SBK1: variants seen among roughly 807,000 people sequenced by gnomAD.
The protein encoded by SBK1 is serine/threonine-protein kinase SBK1.
Under a neutral mutation model 24.4 loss-of-function variants are expected in SBK1, and 11 were observed. The observed-to-expected ratio is 0.45, with a 90% CI of 0.28 to 0.75. The LOEUF (loss-of-function observed/expected upper bound fraction) is 0.75. Among genes scored for constraint, SBK1 ranks in the 30% least tolerant of loss-of-function variants. The pLI is 0.12. For synonymous variants in SBK1, 308 were observed against 284.4 expected (o/e 1.08, Z -0.83); for missense variants, 467 against 620.5 (o/e 0.75, Z 2.63).
chr16:28,273,131 G>A (rs547454023), intron 1 of SBK1, among the ~76,000 whole-genome samples: 6 of 150,102 alleles, frequency 4.0e-5, no homozygotes, highest in Non-Finnish European at 7.4e-5. Flanking sequence ...GGCTGGTCTC[G>A]AACTCATGGC....
intron 1 of SBK1, among the ~76,000 whole-genome samples, chr16:28,268,146 C>T (rs74330629): frequency 0.015 from 2,315 of 152,106 alleles, 32 homozygotes; most frequent in Non-Finnish European, 0.026. Context: ...TCCTGGAGGT[C>T]CCTCTCCCTG....
intron 1 of SBK1, among the ~76,000 whole-genome samples, chr16:28,299,019 G>A (rs919822313): frequency 1.3e-5 from 2 of 152,220 alleles, no homozygotes; most frequent in African/African-American, 4.8e-5. Context: ...GCAGAGAGGA[G>A]ACTTTTCCAC....
intron 1 of SBK1, chr16:28,286,921 C>T (rs1170730153): frequency 6.6e-6 from 1 of 151,906 alleles, no homozygotes; most frequent in Admixed American, 6.6e-5. Context: ...CATGGTACAA[C>T]CCTGTCGCTA....
intron 1 of SBK1, among the ~76,000 whole-genome samples, chr16:28,303,130 C>T (rs540230168): frequency 4.4e-4 from 59 of 134,726 alleles, no homozygotes; most frequent in South Asian, 4.8e-4. Flanking sequence ...GGGGGACCAG[C>T]GTGTTGAGCA....
Position 28,319,331 on chromosome 16 carries a change from G to C in SBK1, c.429+134G>C, listed in dbSNP as rs1596555071. On this transcript the variant is annotated intron_variant, in intron 3 of 3. Coordinates refer to ENST00000341901, the MANE Select transcript of SBK1 (RefSeq NM_001024401.3). The surrounding 1 kb of genome is among the most constrained non-coding windows in gnomAD (Gnocchi z 4.0). The stretch of plus-strand genomic sequence containing the variant: ...CTGTATGTCAGTTACCATTTGGGGA[G>C]GTGGGGATGTGCAGTAAGGAAGACA... 1.4e-6 allele frequency: 1 copy of C among 705,124 alleles called. No individual in the cohort carries two copies. Among genetic ancestry groups the C allele is most frequent in the East Asian group, 2.7e-5 (1 of 36,972 alleles). 43.7% of individuals were successfully genotyped at this position (705,124 alleles called of 1,614,324 possible).
At chr16:28,283,961 C>T (rs747914254) in intron 1 of SBK1, among the ~76,000 whole-genome samples, 7 of 152,220 alleles carry the variant, frequency 4.6e-5, no homozygotes, top group Non-Finnish European at 8.8e-5. Flanking sequence ...CAGCTCTCCC[C>T]GGTGACTGAC....
chr16:28,287,001 A>G (rs2044569145), intron 1 of SBK1: 1 of 152,164 alleles, frequency 6.6e-6, no homozygotes, highest in Non-Finnish European at 1.5e-5. Flanking sequence ...AGGCTGAGGC[A>G]GGAGAATTGC....
upstream of SBK1, chr16:28,290,382 C>A (rs1019666033): frequency 6.6e-6 from 1 of 152,180 alleles, no homozygotes; most frequent in Admixed American, 6.5e-5. Context: ...TGCCTGTAAT[C>A]CTAGCACTTT....
chr16:28,319,103 A>G lies in SBK1; in HGVS notation c.335A>G (p.Lys112Arg), dbSNP rs776037777. 1.2e-6 allele frequency: 2 copies of G among 1,613,884 alleles called. No homozygotes were observed. Among genetic ancestry groups the G allele is most frequent in the Non-Finnish European group, 1.7e-6 (2 of 1,179,990 alleles). The change falls in exon 3 of 4, where the codon AAG (lysine) becomes AGG (arginine). Residue 112 changes from lysine (K) to arginine (R), a missense_variant. Physicochemically the swap from Lys to Arg is conservative, Grantham distance 26 (BLOSUM62 2). Transcript: ENST00000341901. This position sits in a 1 kb window ranked among gnomAD's most constrained non-coding sequence, Gnocchi z 4.0. ...CTCTCCTCCAGCCCCTTCATCATCA[A>G]GGTCTTTGACGTGGTCTTTGAGACA... The part of the protein sequence containing the change: ...NSLSSSPFII[K>R]VFDVVFETED...
intron 1 of SBK1, among the ~76,000 whole-genome samples, chr16:28,301,913 C>A (rs1475209670): frequency 1.3e-5 from 2 of 152,162 alleles, no homozygotes; most frequent in Non-Finnish European, 2.9e-5. Flanking sequence ...GGATTTATAC[C>A]CCGAAGGGAA....
In SBK1 at chr16:28,259,360, AC is replaced by A; in HGVS notation, c.119del (p.Pro40LeufsTer50). 1.4e-6 allele frequency: 1 copy of A among 715,832 alleles called. No homozygotes were observed. Among genetic ancestry groups the A allele is most frequent in the Non-Finnish European group, 1.7e-6 (1 of 583,986 alleles). 44.3% of individuals were successfully genotyped at this position (715,832 alleles called of 1,614,324 possible). A position where few individuals can be genotyped will look rare whatever the true frequency, so the allele number is the denominator to read the frequency against. On this transcript the variant is annotated frameshift_variant, in exon 1 of 4. Coordinates refer to the SBK1 transcript ENST00000671413. LOFTEE classifies it high-confidence loss of function. The surrounding 1 kb of genome is among the most constrained non-coding windows in gnomAD (Gnocchi z 6.0). ...GGCTGGCGATGATGCTGCGGAGGCC[AC>A]CCCTGGCCACCCCTGCCCTGTCCTG... is the stretch of plus-strand genomic sequence containing the variant.
chr16:28,308,771 G>GTGTGTGTGTGTT (rs762331424), intron 1 of SBK1, among the ~76,000 whole-genome samples: 3 of 149,728 alleles, frequency 2.0e-5, no homozygotes, highest in Non-Finnish European at 3.0e-5. Context: ...GTGTGTGTGT[G>GTGTGTGTGTGTT]TGTGTGTGTT....
At chr16:28,293,378 A>G (rs1428189323) in intron 1 of SBK1, 78 bp downstream of exon 1, 1 of 734,644 alleles carries the variant, frequency 1.4e-6, no homozygotes, top group East Asian at 1.3e-4. Context: ...GGAAGGAAGT[A>G]TCGGGTTGCG....
Position 28,259,310 on chromosome 16 carries a change from G to A in SBK1, c.65G>A (p.Arg22His), listed in dbSNP as rs778000186. The stretch of plus-strand genomic sequence containing the variant: ...GCCGACGGGCTGCTGACCCTGGAGC[G>A]CCCTGGCTCGGGGACTCCTGCCCAG... The change falls in exon 1 of 4, where the codon CGC becomes CAC. Residue 22 changes from arginine to histidine, a missense_variant. Transcript: ENST00000671413. The surrounding 1 kb of genome is among the most constrained non-coding windows in gnomAD (Gnocchi z 6.0). 1.5e-4 allele frequency: 32 copies of A among 220,086 alleles called. No individual in the cohort carries two copies. Among genetic ancestry groups the A allele is most frequent in the Non-Finnish European group, 2.1e-4 (28 of 130,254 alleles). The allele number at this position is 220,086 out of a possible 1,614,324, so 13.6% of individuals were successfully genotyped here.
At chr16:28,282,094 C>A (rs2044536419) in intron 1 of SBK1, among the ~76,000 whole-genome samples, 1 of 152,176 alleles carries the variant, frequency 6.6e-6, no homozygotes, top group Admixed American at 6.5e-5. Context: ...GATGCCTAAT[C>A]AAAATCTAGA....
intron 1 of SBK1, among the ~76,000 whole-genome samples, chr16:28,270,339 C>A (rs138430815): frequency 6.6e-6 from 1 of 151,832 alleles, no homozygotes; most frequent in South Asian, 2.1e-4. Flanking sequence ...GAATTACAGG[C>A]GTGAGCCACC....
rs1175451429 is a variant in SBK1, at chr16:28,319,910, G to A, written c.430-166G>A. Among the ~76,000 whole-genome samples the A allele has an allele frequency of 1.3e-5, 2 of 152,162 alleles. No homozygotes were observed. The highest frequency in any genetic ancestry group is 2.9e-5 in the Non-Finnish European group (2 of 68,018). ...ATGAGGATTGGATGAGACAGCGGGG[G>A]AAAGGGCGCTCAGCAGCATCCGGGC... On this transcript the variant is annotated intron_variant, in intron 3 of 3. Transcript: ENST00000341901. This position sits in a 1 kb window ranked among gnomAD's most constrained non-coding sequence, Gnocchi z 4.0.
At chr16:28,304,104 T>C (rs951741624) in intron 1 of SBK1, among the ~76,000 whole-genome samples, 20 of 152,200 alleles carry the variant, frequency 1.3e-4, no homozygotes, top group African/African-American at 4.8e-4. Context: ...GCAAAATGAC[T>C]TCTGTACAAG....
intron 1 of SBK1, among the ~76,000 whole-genome samples, chr16:28,287,320 G>A (rs1395648840): frequency 9.4e-5 from 14 of 149,150 alleles, no homozygotes; most frequent in African/African-American, 3.4e-4. Flanking sequence ...ATGGTGGCAC[G>A]TGCCTGTAAT....
Sources: gnomAD v4.1 joint callset for allele counts (sites outside exome capture counted in the v4.1 genomes callset) on GRCh38, gnomAD v4.1.1 for gene constraint, Gnocchi (gnomAD v3.1) non-coding constraint, MANE v1.5 for transcripts, NCBI Gene and HGNC (gene_info 2026-07-23, HGNC 2026-07-21) for gene names.